Variants in UBE3C observed in about 807,000 individuals in gnomAD.
The protein encoded by UBE3C is ubiquitin-protein ligase E3C.
A neutral mutation model predicts 129.4 loss-of-function variants in UBE3C; 42 were observed. That is an observed-to-expected ratio of 0.32 (90% CI 0.25 to 0.42). UBE3C has a LOEUF of 0.42. Among genes scored for constraint, UBE3C ranks in the 10% least tolerant of loss-of-function variants. UBE3C has a pLI of 1.00. For missense variants in UBE3C, 1,049 were observed against 1,319.1 expected (o/e 0.80, Z 3.17); for synonymous variants, 510 against 492.4 (o/e 1.04, Z -0.47).
chr7:157,209,480 A>G (rs1809530360), intron 13 of UBE3C, among the ~76,000 whole-genome samples: 1 of 152,130 alleles, frequency 6.6e-6, no homozygotes, highest in Non-Finnish European at 1.5e-5. Flanking sequence ...CAAATTTGCA[A>G]TTTTTCTATG....
intron 11 of UBE3C, among the ~76,000 whole-genome samples, chr7:157,204,398 C>CAAAAAAAA (rs35298527): frequency 5.8e-5 from 5 of 86,398 alleles, no homozygotes; most frequent in Non-Finnish European, 7.2e-5. Flanking sequence ...AACTTTGTTT[C>CAAAAAAAA]AAAAAAAAAA....
rs575970648 is a variant in UBE3C at position 157,214,300 on chromosome 7, A to T, written c.1810-2567A>T. Among the ~76,000 whole-genome samples, 113 of 152,344 alleles carry T rather than the reference A, an allele frequency of 7.4e-4. 3 individuals are homozygous for T. The South Asian group carries it at 0.016, about 21-fold the overall frequency. On this transcript the variant is annotated intron_variant, in intron 13 of 22. Coordinates refer to ENST00000348165, the MANE Select transcript of UBE3C (RefSeq NM_014671.3). ...ATGTAAATGAGAACTTAATTGTCTC[A>T]TATAATTTGATAATGTTTGTAATCT...
At chr7:157,223,109 C>T in intron 15 of UBE3C, 145 bp from the exon 16 acceptor site, 2 of 771,128 alleles carry the variant, frequency 2.6e-6, no homozygotes, top group Non-Finnish European at 4.4e-6. Context: ...CATGGGTCTG[C>T]CTGAGGCGGG....
intron 10 of UBE3C, among the ~76,000 whole-genome samples, chr7:157,201,213 A>G (rs1047798742): frequency 6.6e-6 from 1 of 152,044 alleles, no homozygotes; most frequent in African/African-American, 2.4e-5. Context: ...AATCCCAGGT[A>G]CTCAGGATGC....
At chr7:157,168,531 G>A (rs1000479739) in intron 2 of UBE3C, among the ~76,000 whole-genome samples, 19 of 152,284 alleles carry the variant, frequency 1.2e-4, no homozygotes, top group African/African-American at 3.8e-4. Context: ...ACCAAAGTGG[G>A]AGCAGCCCAG....
At chr7:157,194,471 A>G (rs150703296) in intron 10 of UBE3C, among the ~76,000 whole-genome samples, 3 of 152,354 alleles carry the variant, frequency 2.0e-5, no homozygotes, top group Non-Finnish European at 4.4e-5. Flanking sequence ...TTTTCTAGGT[A>G]CTTAGAATGC....
chr7:157,139,383 G>T (rs1437028081), intron 1 of UBE3C, 45 bp downstream of exon 1: 12 of 1,520,520 alleles, frequency 7.9e-6, no homozygotes, highest in African/African-American at 2.8e-5. Flanking sequence ...GGGCCTGCGC[G>T]GCCGGGGCTC....
chr7:157,239,325 GA>G (rs769300854), intron 18 of UBE3C, among the ~76,000 whole-genome samples: 39 of 152,310 alleles, frequency 2.6e-4, no homozygotes, highest in Admixed American at 4.6e-4. Context: ...ACATTGAGTT[GA>G]AGAATCCAGA....
At chr7:157,197,694 A>G (rs1386940003) in intron 10 of UBE3C, 1 of 1,609,746 alleles carries the variant, frequency 6.2e-7, no homozygotes, top group Non-Finnish European at 8.5e-7. Flanking sequence ...AAATGAAGTC[A>G]CAAGAATAAA....
chr7:157,198,205 C>G, intron 10 of UBE3C: 1 of 1,559,918 alleles, frequency 6.4e-7, no homozygotes, highest in Non-Finnish European at 8.8e-7. Context: ...TGCATATATT[C>G]AGACCGCTTA....
At chr7:157,219,183 G>A (rs1795667280) in intron 14 of UBE3C, among the ~76,000 whole-genome samples, 1 of 152,194 alleles carries the variant, frequency 6.6e-6, no homozygotes, top group African/African-American at 2.4e-5. Context: ...TGGCCTCCCA[G>A]GAGAGGAGGG....
rs1240859041 is a variant in UBE3C, at chr7:157,254,117, G to T, written c.2858G>T (p.Arg953Leu). 1.9e-6 allele frequency: 3 copies of T among 1,610,924 alleles called. No individual in the cohort carries two copies. Among genetic ancestry groups the T allele is most frequent in the East Asian group, 2.2e-5 (1 of 44,736 alleles). The change falls in exon 20 of 23, where the codon CGA (arginine) becomes CTA (leucine). Residue 953 changes from arginine to leucine, a missense_variant. Around this residue, in one of 4 missense-constraint regions of UBE3C, gnomAD observed 243 missense variants for 368.7 expected, o/e 0.66. Coordinates refer to ENST00000348165, the MANE Select transcript of UBE3C (RefSeq NM_014671.3). ...LANVVSLEWL[R>L]MFDQQEIQVL... ...AATGTCGTCAGCCTCGAGTGGCTCCGAATGTTTGATCAGCAAGAAATTCAG... is the reference window on the plus strand; with the variant it reads ...AATGTCGTCAGCCTCGAGTGGCTCCTAATGTTTGATCAGCAAGAAATTCAG...
intron 18 of UBE3C, among the ~76,000 whole-genome samples, chr7:157,244,428 TA>T (rs1487420493): frequency 6.6e-6 from 1 of 152,236 alleles, no homozygotes; most frequent in Non-Finnish European, 1.5e-5. Flanking sequence ...TTTTGTTTTT[TA>T]AATTATATGG....
At chr7:157,265,134 C>T (rs1797042774) in intron 22 of UBE3C, among the ~76,000 whole-genome samples, 1 of 152,174 alleles carries the variant, frequency 6.6e-6, no homozygotes, top group African/African-American at 2.4e-5. Context: ...AGTACAGTCC[C>T]AGGAGTTGTG....
intron 18 of UBE3C, among the ~76,000 whole-genome samples, chr7:157,234,413 C>T (rs905427747): frequency 6.6e-6 from 1 of 152,184 alleles, no homozygotes; most frequent in African/African-American, 2.4e-5. Context: ...TGACCGTACA[C>T]GTAACACTCT....
chr7:157,157,973 GATATAT>G (rs67483339), intron 1 of UBE3C, among the ~76,000 whole-genome samples: 2 of 142,234 alleles, frequency 1.4e-5, no homozygotes, highest in African/African-American at 5.4e-5. Context: ...GATATATATA[GATATAT>G]ATATATATAG....
intron 18 of UBE3C, among the ~76,000 whole-genome samples, chr7:157,241,516 G>T (rs1796324416): frequency 6.6e-6 from 1 of 152,252 alleles, no homozygotes; most frequent in South Asian, 2.1e-4. Flanking sequence ...GCCACAGGCT[G>T]CCGCGCACAC....
chr7:157,240,942 C>A (rs544869611), intron 18 of UBE3C, among the ~76,000 whole-genome samples: 2 of 152,208 alleles, frequency 1.3e-5, no homozygotes, highest in East Asian at 3.9e-4. Flanking sequence ...GTTGGACTCT[C>A]AGGAGCTAAA....
chr7:157,241,859 A>G (rs1174029197), intron 18 of UBE3C, among the ~76,000 whole-genome samples: 1 of 152,200 alleles, frequency 6.6e-6, no homozygotes, highest in Non-Finnish European at 1.5e-5. Context: ...GACACATGGC[A>G]CACATGGATG....
Sources: gnomAD v4.1 joint callset for allele counts (sites outside exome capture counted in the v4.1 genomes callset) on GRCh38, gnomAD v4.1.1 for gene constraint, gnomAD v4.1.1 regional missense constraint, MANE v1.5 for transcripts, NCBI Gene and HGNC (gene_info 2026-07-23, HGNC 2026-07-21) for gene names.